Variants in ENOX1 observed in about 807,000 individuals in gnomAD.
The protein encoded by ENOX1 is candidate growth-related and time keeping constitutive hydroquinone (NADH) oxidase.
A neutral mutation model predicts 82.5 loss-of-function variants in ENOX1; 42 were observed. The observed-to-expected ratio is 0.51, with a 90% CI of 0.40 to 0.66. The LOEUF (loss-of-function observed/expected upper bound fraction) is 0.66. Ranked by LOEUF, ENOX1 falls within the 30% of genes least tolerant of loss-of-function variation. ENOX1 has a pLI of 0.00. For synonymous variants in ENOX1, 271 were observed against 282.2 expected (o/e 0.96, Z 0.40); for missense variants, 608 against 811.6 (o/e 0.75, Z 3.05).
intron 9 of ENOX1, among the ~76,000 whole-genome samples, chr13:43,342,586 T>A (rs1198168902): frequency 6.6e-6 from 1 of 152,130 alleles, no homozygotes; most frequent in Non-Finnish European, 1.5e-5. Context: ...CAGGGAGTGA[T>A]GAGCCAGCCT....
intron 3 of ENOX1, among the ~76,000 whole-genome samples, chr13:43,435,248 G>A (rs564777452): frequency 2.0e-5 from 3 of 152,244 alleles, no homozygotes; most frequent in East Asian, 3.9e-4. Flanking sequence ...CTCCTATGGA[G>A]CACTCCACGC....
intron 9 of ENOX1, among the ~76,000 whole-genome samples, chr13:43,342,549 T>C (rs1024616646): frequency 6.6e-6 from 1 of 152,146 alleles, no homozygotes; most frequent in African/African-American, 2.4e-5. Flanking sequence ...TTGCTGGTCC[T>C]GCCCCACCCC....
At chr13:43,590,551 G>A (rs2081196618) in intron 2 of ENOX1, among the ~76,000 whole-genome samples, 1 of 152,068 alleles carries the variant, frequency 6.6e-6, no homozygotes, top group African/African-American at 2.4e-5. Flanking sequence ...AAGGTGGGCA[G>A]ATCAGGAGGT....
intron 1 of ENOX1, among the ~76,000 whole-genome samples, chr13:43,700,156 T>G (rs1566791794): frequency 1.3e-5 from 2 of 152,164 alleles, no homozygotes; most frequent in Admixed American, 1.3e-4. Context: ...ATAAACGAGT[T>G]TGAGTTTCAT....
At chr13:43,735,723 A>G (rs1006660240) in intron 1 of ENOX1, among the ~76,000 whole-genome samples, 3 of 150,992 alleles carry the variant, frequency 2.0e-5, no homozygotes, top group Admixed American at 6.6e-5. Flanking sequence ...TCAGTCTCCA[A>G]AAAAAAAAGG....
chr13:43,771,016 C>T (rs544589681), intron 1 of ENOX1, among the ~76,000 whole-genome samples: 1 of 152,092 alleles, frequency 6.6e-6, no homozygotes, highest in Non-Finnish European at 1.5e-5. Flanking sequence ...TATAAAATTC[C>T]ATGATGAAGC....
chr13:43,771,907 G>C (rs1181330947), intron 1 of ENOX1, among the ~76,000 whole-genome samples: 8 of 150,638 alleles, frequency 5.3e-5, no homozygotes, highest in Non-Finnish European at 4.4e-5. Context: ...TGGGAATACA[G>C]GCGCGTCTGC....
At chr13:43,309,379 T>C (rs1298211184) in intron 11 of ENOX1, among the ~76,000 whole-genome samples, 1 of 152,118 alleles carries the variant, frequency 6.6e-6, no homozygotes, top group Non-Finnish European at 1.5e-5. Context: ...CAACAACACT[T>C]GTTCTCACTC....
intron 5 of ENOX1, among the ~76,000 whole-genome samples, chr13:43,392,732 C>A (rs1307240392): frequency 6.6e-6 from 1 of 151,964 alleles, no homozygotes; most frequent in East Asian, 1.9e-4. Flanking sequence ...CATTTTTTTT[C>A]TTGAGAATAA....
At chr13:43,743,150 G>A (rs1402620250) in intron 1 of ENOX1, among the ~76,000 whole-genome samples, 2 of 152,046 alleles carry the variant, frequency 1.3e-5, no homozygotes, top group Non-Finnish European at 2.9e-5. Context: ...ACAAGTTCAG[G>A]GTTGCCCAGA....
intron 1 of ENOX1, among the ~76,000 whole-genome samples, chr13:43,708,423 T>C (rs1343643897): frequency 2.6e-5 from 4 of 152,186 alleles, no homozygotes; most frequent in Non-Finnish European, 5.9e-5. Context: ...TGCTTGGCCC[T>C]CTTCCAGTGT....
intron 2 of ENOX1, among the ~76,000 whole-genome samples, chr13:43,636,311 G>A (rs1044041220): frequency 1.3e-5 from 2 of 152,174 alleles, no homozygotes; most frequent in African/African-American, 4.8e-5. Flanking sequence ...TCTTGAAGGT[G>A]AAGTTTTTGC....
intron 3 of ENOX1, among the ~76,000 whole-genome samples, chr13:43,452,426 C>A (rs1157547934): frequency 6.6e-6 from 1 of 152,188 alleles, no homozygotes; most frequent in Non-Finnish European, 1.5e-5. Flanking sequence ...CCAGCTTCAT[C>A]CATGTCCCTG....
At chr13:43,295,490 T>C (rs1383657300) in intron 12 of ENOX1, among the ~76,000 whole-genome samples, 3 of 152,180 alleles carry the variant, frequency 2.0e-5, no homozygotes, top group Non-Finnish European at 4.4e-5. Context: ...AACATATCCT[T>C]AAGGGGTTAA....
At chr13:43,705,595 C>T (rs1387286434) in intron 1 of ENOX1, among the ~76,000 whole-genome samples, 1 of 151,840 alleles carries the variant, frequency 6.6e-6, no homozygotes, top group East Asian at 1.9e-4. Context: ...AGGGTAATTT[C>T]ATAATGACAA....
At chr13:43,432,867 T>G (rs1365254997) in intron 3 of ENOX1, among the ~76,000 whole-genome samples, 1 of 152,132 alleles carries the variant, frequency 6.6e-6, no homozygotes, top group Middle Eastern at 3.2e-3. Context: ...GGAGCAGCGC[T>G]GCCTTATTCT....
intron 3 of ENOX1, among the ~76,000 whole-genome samples, chr13:43,458,191 C>T (rs753219290): frequency 9.9e-5 from 15 of 152,130 alleles, no homozygotes; most frequent in Non-Finnish European, 1.5e-5. Context: ...TAACAAAAAG[C>T]TTGACTTTAC....
intron 3 of ENOX1, among the ~76,000 whole-genome samples, chr13:43,466,177 G>A (rs1441828609): frequency 6.6e-6 from 1 of 151,768 alleles, no homozygotes; most frequent in Non-Finnish European, 1.5e-5. Flanking sequence ...TTGATACCAG[G>A]TATAAGACAC....
chr13:43,293,788 G>A (rs2046142137), intron 12 of ENOX1, among the ~76,000 whole-genome samples: 1 of 152,166 alleles, frequency 6.6e-6, no homozygotes, highest in African/African-American at 2.4e-5. Context: ...TCCAAAGTCT[G>A]ACTCTTACCC....
Sources: allele counts gnomAD v4.1 joint callset (sites outside exome capture counted in the v4.1 genomes callset), GRCh38; gene constraint gnomAD v4.1.1; transcripts MANE v1.5; gene names NCBI Gene and HGNC (gene_info 2026-07-23, HGNC 2026-07-21).